Variants in ARHGAP23 observed in about 807,000 individuals in gnomAD.
ARHGAP23 encodes Rho GTPase activating protein 23, also known as rho GTPase-activating protein 23.
In ARHGAP23, 34 loss-of-function variants were observed where a neutral mutation model predicts 136.3. That is an observed-to-expected ratio of 0.25 (90% confidence interval 0.19 to 0.33). ARHGAP23 has a LOEUF of 0.33. Ranked by LOEUF, ARHGAP23 falls within the 10% of genes least tolerant of loss-of-function variation. ARHGAP23 has a pLI of 1.00. For synonymous variants in ARHGAP23, 832 were observed against 920.5 expected (o/e 0.90, Z 1.74); for missense variants, 1,808 against 2,139.0 (o/e 0.85, Z 3.05).
intron 1 of ARHGAP23, among the ~76,000 whole-genome samples, chr17:38,456,336 A>T (rs2039324719): frequency 1.3e-5 from 2 of 152,172 alleles, no homozygotes; most frequent in South Asian, 2.1e-4. Context: ...ATGGTCCATG[A>T]ATGAACTTAT....
chr17:38,482,851 C>A (rs987664395), intron 16 of ARHGAP23, among the ~76,000 whole-genome samples, 173 bp downstream of exon 16: 5 of 152,134 alleles, frequency 3.3e-5, no homozygotes, highest in African/African-American at 9.7e-5. Context: ...CTGGCCAGCC[C>A]GGGGATGGGC....
intron 1 of ARHGAP23, among the ~76,000 whole-genome samples, chr17:38,453,446 TGTGTGTGTGTGTGTGC>T (rs1342280277): frequency 1.4e-5 from 2 of 138,814 alleles, no homozygotes; most frequent in African/African-American, 2.7e-5. Flanking sequence ...TGTGTGTGTG[TGTGTGTGTGTGTGTGC>T]GCGCGCGCGC....
intron 1 of ARHGAP23, among the ~76,000 whole-genome samples, chr17:38,429,329 A>G (rs574010564): frequency 1.0e-3 from 153 of 152,344 alleles, no homozygotes; most frequent in African/African-American, 3.6e-3. Context: ...CATCAGGGCC[A>G]TTCCCTTACC....
At chr17:38,485,649 T>C (rs1240855885) in intron 16 of ARHGAP23, among the ~76,000 whole-genome samples, 1 of 152,048 alleles carries the variant, frequency 6.6e-6, no homozygotes, top group Non-Finnish European at 1.5e-5. Context: ...GCCAGTTGTG[T>C]GGAGGCGGGG....
chr17:38,433,372 TA>T (rs34265242), intron 1 of ARHGAP23, among the ~76,000 whole-genome samples: 4 of 152,012 alleles, frequency 2.6e-5, no homozygotes, highest in South Asian at 2.1e-4. Context: ...CAACTATTAT[TA>T]AAAAAAATCA....
chr17:38,510,135 G>C lies in ARHGAP23; in HGVS notation c.3639G>C (p.Pro1213=), dbSNP rs975021778. 61 of 1,268,436 alleles carry C rather than the reference G, an allele frequency of 4.8e-5. No individual in the cohort carries two copies. The South Asian group carries it at 1.1e-3, about 22-fold the overall frequency. 78.6% of individuals were successfully genotyped at this position (1,268,436 alleles called of 1,614,324 possible). ...GATAPGTQER[P]QGPLPGAVAP... is the part of the protein sequence containing the mutation. ...CAGCGCCGGGGACTCAGGAGCGGCC[G>C]CAGGGGCCGCTGCCTGGCGCCGTCG... The change falls in exon 24 of 24, where the codon CCG becomes CCC. Residue 1213 remains proline (P), a synonymous_variant. Coordinates refer to ENST00000622683, the MANE Select transcript of ARHGAP23 (RefSeq NM_001199417.2). The surrounding 1 kb of genome is among the most constrained non-coding windows in gnomAD (Gnocchi z 4.6).
chr17:38,508,664 C>G (rs987013609), intron 23 of ARHGAP23, among the ~76,000 whole-genome samples: 1 of 151,928 alleles, frequency 6.6e-6, no homozygotes, highest in Non-Finnish European at 1.5e-5. Flanking sequence ...GAGGGCCTGC[C>G]GGAGGAGGAG....
rs571212228 is a variant in ARHGAP23 at position 38,510,440 on chromosome 17, G to C, written c.3944G>C (p.Cys1315Ser). 8.2e-7 allele frequency: 1 copy of C among 1,218,386 alleles called. No individual in the cohort carries two copies. The highest frequency in any genetic ancestry group is 1.0e-6 in the Non-Finnish European group (1 of 979,904). 75.5% of individuals were successfully genotyped at this position (1,218,386 alleles called of 1,614,324 possible). The part of the protein sequence containing the change: ...PSFSSHHLMP[C>S]DTLARRRLAR... ...TTCAGCTCGCACCACCTCATGCCCT[G>C]CGACACTCTGGCGCGCCGCCGCCTG... is the stretch of plus-strand genomic sequence containing the variant. The change falls in exon 24 of 24, where the codon TGC (cysteine) becomes TCC (serine). Residue 1315 changes from cysteine (C) to serine (S), a missense_variant. By Grantham distance (112) the Cys-to-Ser change is moderately radical (BLOSUM62 -1). This residue lies in a region of ARHGAP23 where 506 missense variants were observed against 455.8 expected (regional missense o/e 1.11). Transcript: ENST00000622683. This position sits in a 1 kb window ranked among gnomAD's most constrained non-coding sequence, Gnocchi z 4.6.
intron 1 of ARHGAP23, among the ~76,000 whole-genome samples, chr17:38,447,437 GAAAAAAAAAAAA>G (rs71138625): frequency 7.4e-4 from 19 of 25,636 alleles, no homozygotes; most frequent in East Asian, 3.2e-3. Flanking sequence ...GACTCCGTCT[GAAAAAAAAAAAA>G]AAAAAAAAAA....
intron 7 of ARHGAP23, 47 bp from the exon 8 acceptor site, chr17:38,469,097 G>T (rs2039680556): frequency 6.6e-7 from 1 of 1,506,292 alleles, no homozygotes; most frequent in Non-Finnish European, 8.9e-7. Context: ...AGGCAGGCAG[G>T]CTCCGCTGTC....
At chr17:38,459,709 T>A (rs1265061596) in intron 2 of ARHGAP23, among the ~76,000 whole-genome samples, 1 of 152,220 alleles carries the variant, frequency 6.6e-6, no homozygotes, top group African/African-American at 2.4e-5. Flanking sequence ...GGGAGGGGCC[T>A]TTGGCCTGGA....
At chr17:38,437,906 G>A (rs543543628) in intron 1 of ARHGAP23, among the ~76,000 whole-genome samples, 2 of 152,164 alleles carry the variant, frequency 1.3e-5, no homozygotes, top group South Asian at 4.1e-4. Context: ...CTCGTGAGTG[G>A]CGTGGGGGAC....
At chr17:38,497,848 G>T in intron 21 of ARHGAP23, 22 bp downstream of exon 21, 3 of 1,550,962 alleles carry the variant, frequency 1.9e-6, no homozygotes, top group Non-Finnish European at 2.6e-6. Context: ...CGCGGGCTGG[G>T]CTGGCATGGG....
At position 38,486,155 on chromosome 17, in the gene ARHGAP23, G is replaced by A; in HGVS notation, c.2986+15G>A. ...TTTCACTGATGGTGAGTAGGAGGTG[G>A]AAGTGGGGCGGGGAGGGGACACCAG... On this transcript the variant is annotated intron_variant, in intron 17 of 23. Coordinates refer to ENST00000622683, the MANE Select transcript of ARHGAP23 (RefSeq NM_001199417.2). 6.5e-7 allele frequency: 1 copy of A among 1,549,944 alleles called. No individual in the cohort carries two copies. The highest frequency in any genetic ancestry group is 1.2e-5 in the South Asian group (1 of 84,016).
chr17:38,453,418 CGTGCGTGTGT>C (rs1406186543), intron 1 of ARHGAP23, among the ~76,000 whole-genome samples: 109 of 100,952 alleles, frequency 1.1e-3, no homozygotes, highest in African/African-American at 3.2e-3. Context: ...CGCGCGTATG[CGTGCGTGTGT>C]GTGTGTGTGT....
At chr17:38,457,868 A>G (rs1346963026) in intron 1 of ARHGAP23, 2 of 588,750 alleles carry the variant, frequency 3.4e-6, no homozygotes, top group East Asian at 5.8e-5. Flanking sequence ...AAGGGCAAAG[A>G]CATTATGAGG....
At chr17:38,485,250 G>A (rs1349924329) in intron 16 of ARHGAP23, among the ~76,000 whole-genome samples, 1 of 152,176 alleles carries the variant, frequency 6.6e-6, no homozygotes, top group Admixed American at 6.5e-5. Flanking sequence ...GCACCTCCCA[G>A]TTGGGAAAAT....
intron 17 of ARHGAP23, among the ~76,000 whole-genome samples, chr17:38,486,367 G>A (rs1438610578): frequency 2.0e-5 from 3 of 151,756 alleles, no homozygotes; most frequent in Non-Finnish European, 4.4e-5. Context: ...AGCTGAGACA[G>A]CAGGTGAACA....
chr17:38,459,804 G>A (rs950418212), intron 2 of ARHGAP23, among the ~76,000 whole-genome samples: 4 of 152,218 alleles, frequency 2.6e-5, no homozygotes, highest in Admixed American at 6.5e-5. Context: ...GCATCTGTCT[G>A]CCTCTGCCAC....
Sources: allele counts gnomAD v4.1 joint callset (sites outside exome capture counted in the v4.1 genomes callset), GRCh38; gene constraint gnomAD v4.1.1; regional missense constraint gnomAD v4.1.1; non-coding constraint Gnocchi (gnomAD v3.1); transcripts MANE v1.5; gene names NCBI Gene and HGNC (gene_info 2026-07-23, HGNC 2026-07-21).